Variants in GMDS observed in about 807,000 individuals in gnomAD.
GMDS encodes the protein GDP-mannose 4,6-dehydratase.
Under a neutral mutation model 49.9 loss-of-function variants are expected in GMDS, and 20 were observed. The observed-to-expected ratio is 0.40, with a 90% CI of 0.28 to 0.58. GMDS has a LOEUF of 0.58. GMDS is among the 20% of genes least tolerant of loss of function. The pLI is 0.42. For missense variants in GMDS, 362 were observed against 481.4 expected, an observed-to-expected ratio of 0.75 and a Z score of 2.32; for synonymous variants, 177 against 178.6, an observed-to-expected ratio of 0.99 and a Z score of 0.07.
At chr6:2,231,080 A>T (rs1781085591) in intron 1 of GMDS, among the ~76,000 whole-genome samples, 4 of 151,780 alleles carry the variant, frequency 2.6e-5, no homozygotes, top group African/African-American at 9.7e-5. Flanking sequence ...CACCACCCAG[A>T]AGGTCCCCAA....
intron 1 of GMDS, among the ~76,000 whole-genome samples, chr6:2,135,499 C>G (rs150452694): frequency 8.5e-5 from 13 of 152,216 alleles, no homozygotes; most frequent in African/African-American, 3.1e-4. Flanking sequence ...ATGTACTATG[C>G]AACATGACAG....
chr6:2,217,030 C>T (rs912436801), intron 1 of GMDS, among the ~76,000 whole-genome samples: 1 of 152,162 alleles, frequency 6.6e-6, no homozygotes, highest in African/African-American at 2.4e-5. Context: ...CTCCCGCAGC[C>T]GCCCTGGCTT....
At chr6:2,017,198 G>C (rs975752830) in intron 4 of GMDS, among the ~76,000 whole-genome samples, 1 of 152,002 alleles carries the variant, frequency 6.6e-6, no homozygotes, top group South Asian at 2.1e-4. Context: ...GGAGAGGAGC[G>C]TGGACACAAG....
chr6:2,102,242 T>C lies in GMDS; in HGVS notation c.345+13529A>G, dbSNP rs191992527. Among the ~76,000 whole-genome samples, 123 of 152,284 alleles carry C rather than the reference T, an allele frequency of 8.1e-4. No homozygotes were observed. In the East Asian group the frequency reaches 0.021, roughly 26 times the overall value. On this transcript the variant is annotated intron_variant, in intron 4 of 10. Transcript: ENST00000380815. ...AAAGGGCATCAAAAACTATAAAGTG[T>C]ATCATTTTTAAAAGCCCATTTAAAA...
intron 4 of GMDS, among the ~76,000 whole-genome samples, chr6:2,091,591 T>C (rs1773313407): frequency 6.6e-6 from 1 of 152,096 alleles, no homozygotes; most frequent in African/African-American, 2.4e-5. Context: ...CATTATACCT[T>C]AAGAAGGATA....
chr6:1,722,260 A>ATTATTT (rs59203891), intron 9 of GMDS, among the ~76,000 whole-genome samples: 8,786 of 140,750 alleles, frequency 0.062, 419 homozygotes, highest in African/African-American at 0.087. Context: ...TAGTAGTAGT[A>ATTATTT]GTATTTTTAG....
chr6:2,216,112 T>C (rs1200966743), intron 1 of GMDS, among the ~76,000 whole-genome samples: 1 of 152,136 alleles, frequency 6.6e-6, no homozygotes, highest in Non-Finnish European at 1.5e-5. Context: ...ACTTCCTTAA[T>C]AAAAAGTTTA....
In GMDS at chr6:1,778,213, A is replaced by G. The variant is rs1448230652; in HGVS notation, c.772-35627T>C. On this transcript the variant is annotated intron_variant, in intron 7 of 10. Coordinates refer to ENST00000380815, the MANE Select transcript of GMDS (RefSeq NM_001500.4). The surrounding 1 kb of genome is among the most constrained non-coding windows in gnomAD (Gnocchi z 4.6). ...CGCCCTTGGGTCTCATTTTGCTGGG[A>G]TGACTATTTATATGACAGGTAAGGG... Among the ~76,000 whole-genome samples the G allele has an allele frequency of 2.0e-5, 3 of 152,172 alleles. No homozygotes were observed. Among genetic ancestry groups the G allele is most frequent in the Admixed American group, 1.3e-4 (2 of 15,280 alleles).
At chr6:1,930,011 C>T in intron 7 of GMDS, 92 bp downstream of exon 7, 3 of 1,150,084 alleles carry the variant, frequency 2.6e-6, no homozygotes, top group Admixed American at 2.1e-5. Context: ...TGTATGCCCC[C>T]ACCTCTAGGT....
At chr6:2,096,071 T>C (rs1202521056) in intron 4 of GMDS, among the ~76,000 whole-genome samples, 1 of 152,124 alleles carries the variant, frequency 6.6e-6, no homozygotes, top group Non-Finnish European at 1.5e-5. Context: ...GGACAAAGGA[T>C]AGGAAGAGGC....
chr6:2,214,833 A>G (rs12215717), intron 1 of GMDS, among the ~76,000 whole-genome samples: 19,429 of 152,238 alleles, frequency 0.13, 1,867 homozygotes, highest in East Asian at 0.41. Context: ...TCTTTTTAAA[A>G]GTATTCCACT....
At chr6:1,799,625 G>C (rs138577514) in intron 7 of GMDS, among the ~76,000 whole-genome samples, 123 of 152,300 alleles carry the variant, frequency 8.1e-4, no homozygotes, top group African/African-American at 2.9e-3. Flanking sequence ...GGAAGGCAAA[G>C]CAAGGAAATC....
intron 4 of GMDS, among the ~76,000 whole-genome samples, chr6:2,106,756 G>A (rs1008945423): frequency 4.6e-5 from 7 of 151,896 alleles, no homozygotes; most frequent in South Asian, 2.1e-4. Context: ...ACAGCTACTC[G>A]GGAGGCTGAG....
chr6:1,737,878 TACAC>T (rs1328539165), intron 8 of GMDS, among the ~76,000 whole-genome samples: 4 of 116,416 alleles, frequency 3.4e-5, no homozygotes, highest in East Asian at 2.8e-4. Flanking sequence ...CACACATACA[TACAC>T]ACGCAACCCC....
rs1483715710 is a variant in GMDS, at chr6:1,833,362, G to T, written c.772-90776C>A. Among the ~76,000 whole-genome samples, 1 of 151,820 alleles carries T rather than the reference G, an allele frequency of 6.6e-6. No homozygotes were observed. Among genetic ancestry groups the T allele is most frequent in the Admixed American group, 6.6e-5 (1 of 15,258 alleles). ...GGAAAGCTCATCTCGGAGGTGTCAG[G>T]ATAAAACATGAGAACAGCATCTGTC... is the stretch of plus-strand genomic sequence containing the variant. On this transcript the variant is annotated intron_variant, in intron 7 of 10. Coordinates refer to ENST00000380815, the MANE Select transcript of GMDS (RefSeq NM_001500.4). This position sits in a 1 kb window ranked among gnomAD's most constrained non-coding sequence, Gnocchi z 4.4.
At chr6:1,911,501 G>GA (rs1374206276) in intron 7 of GMDS, among the ~76,000 whole-genome samples, 1 of 149,780 alleles carries the variant, frequency 6.7e-6, no homozygotes, top group Non-Finnish European at 1.5e-5. Context: ...AAAAATGGCA[G>GA]AAAAAACAGA....
At chr6:2,012,510 G>A (rs754528215) in intron 4 of GMDS, among the ~76,000 whole-genome samples, 2 of 152,080 alleles carry the variant, frequency 1.3e-5, no homozygotes, top group African/African-American at 2.4e-5. Context: ...AAGAAATTGG[G>A]TTTACCACTA....
chr6:2,080,843 C>T (rs929414744), intron 4 of GMDS, among the ~76,000 whole-genome samples: 1 of 152,154 alleles, frequency 6.6e-6, no homozygotes, highest in East Asian at 1.9e-4. Flanking sequence ...AATTACAATA[C>T]CATTCCTGTC....
chr6:1,984,883 A>C (rs889830743), intron 4 of GMDS, among the ~76,000 whole-genome samples: 1 of 152,216 alleles, frequency 6.6e-6, no homozygotes, highest in African/African-American at 2.4e-5. Context: ...GGAATGGCCC[A>C]AAACAACACA....
Sources: gnomAD v4.1 joint callset for allele counts (sites outside exome capture counted in the v4.1 genomes callset) on GRCh38, gnomAD v4.1.1 for gene constraint, Gnocchi (gnomAD v3.1) non-coding constraint, MANE v1.5 for transcripts, NCBI Gene and HGNC (gene_info 2026-07-23, HGNC 2026-07-21) for gene names.